The following TOX3 variants were observed in gnomAD, a reference collection of about 807,000 sequenced individuals.
TOX3 encodes CAG trinucleotide repeat-containing gene F9 protein.
Under a neutral mutation model 64.3 loss-of-function variants are expected in TOX3, and 22 were observed. The observed-to-expected ratio is 0.34, with a 90% CI of 0.24 to 0.49. TOX3 has a LOEUF of 0.49. TOX3 is among the 20% of genes least tolerant of loss of function. TOX3 has a pLI of 0.99. For missense variants in TOX3, 661 were observed against 714.4 expected (o/e 0.93, Z 0.85); for synonymous variants, 291 against 273.6 (o/e 1.06, Z -0.63).
At chr16:52,449,654 C>G (rs1282468328) in intron 4 of TOX3, among the ~76,000 whole-genome samples, 2 of 152,178 alleles carry the variant, frequency 1.3e-5, no homozygotes, top group East Asian at 1.9e-4. Context: ...AGTAGGTATA[C>G]AGCACATAAT....
chr16:52,446,085 G>A lies in TOX3; in HGVS notation c.815C>T (p.Ala272Val). Reference protein sequence around the residue: ...YALFFRDTQAAIKGQNPNATF... With the variant: ...YALFFRDTQAVIKGQNPNATF... ...TGCATTGGGGTTTTGACCTTTAATT[G>A]CAGCCTGTGTGTCTCTGAAAAACAG... Residue 272 changes from alanine to valine, a missense_variant, in exon 5 of 7, where the codon GCA (alanine) becomes GTA (valine). Physicochemically the swap from Ala to Val is moderately conservative, Grantham distance 64. Transcript: ENST00000219746. 6.2e-7 allele frequency: 1 copy of A among 1,613,910 alleles called. No individual in the cohort carries two copies. Among genetic ancestry groups the A allele is most frequent in the Non-Finnish European group, 8.5e-7 (1 of 1,179,836 alleles).
At chr16:52,468,666 A>ACTCTCTTTTATT in intron 1 of TOX3, 92 bp from the exon 2 acceptor site, 1 of 1,013,452 alleles carries the variant, frequency 9.9e-7, no homozygotes, top group Non-Finnish European at 1.5e-6. Context: ...GCTAAATAAA[A>ACTCTCTTTTATT]GAGAGTTTTA....
intron 1 of TOX3, among the ~76,000 whole-genome samples, chr16:52,500,778 C>T (rs1018434748): frequency 2.0e-5 from 3 of 152,288 alleles, no homozygotes; most frequent in Middle Eastern, 3.4e-3. Flanking sequence ...ATCTAAGACA[C>T]CATTGATTAT....
intron 1 of TOX3, among the ~76,000 whole-genome samples, chr16:52,530,756 A>T (rs1304555999): frequency 6.6e-6 from 1 of 151,014 alleles, no homozygotes. Flanking sequence ...ACTCCCATCC[A>T]TTGCATTCTT....
At chr16:52,493,158 C>T (rs145744357) in intron 1 of TOX3, among the ~76,000 whole-genome samples, 1,849 of 152,184 alleles carry the variant, frequency 0.012, 24 homozygotes, top group African/African-American at 0.035. Context: ...ACTGGGGCAA[C>T]GGGAACAGGA....
intron 1 of TOX3, among the ~76,000 whole-genome samples, chr16:52,527,419 GC>G (rs1280462702): frequency 1.3e-5 from 2 of 152,168 alleles, no homozygotes; most frequent in Non-Finnish European, 2.9e-5. Context: ...AGACAGATGA[GC>G]CCCAATTCAG....
chr16:52,454,110 G>A (rs1335244650), intron 3 of TOX3, among the ~76,000 whole-genome samples: 4 of 152,114 alleles, frequency 2.6e-5, no homozygotes, highest in Admixed American at 6.5e-5. Context: ...GTATCTTCAC[G>A]GTAGAGGCAT....
At chr16:52,472,579 C>T (rs1330875712) in intron 1 of TOX3, among the ~76,000 whole-genome samples, 1 of 152,022 alleles carries the variant, frequency 6.6e-6, no homozygotes, top group Non-Finnish European at 1.5e-5. Context: ...AGATTATAAC[C>T]CTCCACTGAT....
At chr16:52,461,860 C>G (rs974525276) in intron 3 of TOX3, among the ~76,000 whole-genome samples, 1 of 152,060 alleles carries the variant, frequency 6.6e-6, no homozygotes, top group Non-Finnish European at 1.5e-5. Flanking sequence ...ATAGAAGAAC[C>G]CTGACATAAC....
At chr16:52,544,731 T>C (rs908483327) in intron 1 of TOX3, among the ~76,000 whole-genome samples, 11 of 152,170 alleles carry the variant, frequency 7.2e-5, no homozygotes, top group Non-Finnish European at 1.6e-4. Flanking sequence ...TGAGCTTAAA[T>C]AGACTCAAAA....
At chr16:52,498,589 G>GT (rs1331899140) in intron 1 of TOX3, among the ~76,000 whole-genome samples, 1 of 146,482 alleles carries the variant, frequency 6.8e-6, no homozygotes, top group African/African-American at 2.6e-5. Flanking sequence ...TTGTGGGGTT[G>GT]GGGGGGGGAG....
rs557383292 is a variant in TOX3, at chr16:52,477,397, G to A, written c.88-8823C>T. On this transcript the variant is annotated intron_variant, in intron 1 of 6. Transcript: ENST00000219746. ...AGAGAGAGATGTAAAGCCCACACCC[G>A]AACTTATCAATAGTGTGAGATGCAC... is the stretch of plus-strand genomic sequence containing the variant. Among the ~76,000 whole-genome samples the A allele has an allele frequency of 2.9e-4, 44 of 152,294 alleles. No individual in the cohort carries two copies. In the South Asian group the frequency reaches 8.7e-3, roughly 30 times the overall value.
intron 1 of TOX3, among the ~76,000 whole-genome samples, chr16:52,476,143 C>A (rs1049570036): frequency 6.6e-6 from 1 of 152,126 alleles, no homozygotes; most frequent in Non-Finnish European, 1.5e-5. Context: ...GACCATCCAG[C>A]CCCTTCTACC....
chr16:52,495,729 C>A (rs1482966201), intron 1 of TOX3, among the ~76,000 whole-genome samples: 1 of 152,176 alleles, frequency 6.6e-6, no homozygotes, highest in Non-Finnish European at 1.5e-5. Context: ...ACATATACAA[C>A]CTCCAAATTC....
Position 52,497,729 on chromosome 16 carries a change from T to TGTG in TOX3, c.88-29158_88-29156dup, listed in dbSNP as rs1364415875. Among the ~76,000 whole-genome samples, 3 of 152,078 alleles carry TGTG rather than the reference T, an allele frequency of 2.0e-5. No individual in the cohort carries two copies. In the East Asian group the frequency reaches 5.8e-4, roughly 29 times the overall value. ...GCCCAATGTTCAGATTACTGCAAAA[T>TGTG]GTGATCATCAACTAATATCTCAGGA... On this transcript the variant is annotated intron_variant, in intron 1 of 6. Transcript: ENST00000219746.
intron 1 of TOX3, among the ~76,000 whole-genome samples, chr16:52,498,046 G>C (rs1356151014): frequency 2.6e-5 from 4 of 152,158 alleles, no homozygotes. Flanking sequence ...ATACGGCCAA[G>C]AGACATTCAC....
chr16:52,471,133 C>T (rs1371522023), intron 1 of TOX3, among the ~76,000 whole-genome samples: 1 of 152,056 alleles, frequency 6.6e-6, no homozygotes, highest in Non-Finnish European at 1.5e-5. Context: ...ATATCCCATG[C>T]ACTATTTGGG....
At chr16:52,524,057 C>A (rs1460064676) in intron 1 of TOX3, among the ~76,000 whole-genome samples, 1 of 152,152 alleles carries the variant, frequency 6.6e-6, no homozygotes, top group Non-Finnish European at 1.5e-5. Flanking sequence ...GGGCTGTTTG[C>A]ATCTTTCTGC....
At chr16:52,495,058 G>A (rs369720556) in intron 1 of TOX3, among the ~76,000 whole-genome samples, 5 of 152,280 alleles carry the variant, frequency 3.3e-5, no homozygotes, top group East Asian at 3.9e-4. Flanking sequence ...GGTTAGGTAC[G>A]TTCTTTATAA....
Sources: allele counts gnomAD v4.1 joint callset (sites outside exome capture counted in the v4.1 genomes callset), GRCh38; gene constraint gnomAD v4.1.1; transcripts MANE v1.5; gene names NCBI Gene and HGNC (gene_info 2026-07-23, HGNC 2026-07-21).